Variants in GNAO1 observed in about 807,000 individuals in gnomAD.
GNAO1 encodes the protein guanine nucleotide-binding protein G(o) subunit alpha.
For synonymous variants in GNAO1, 164 were observed against 180.7 expected, an observed-to-expected ratio of 0.91 and a Z score of 0.74; for missense variants, 166 against 478.7, an observed-to-expected ratio of 0.35 and a Z score of 6.10.
rs114003080 is a variant in GNAO1, at chr16:56,263,134, G to T, written c.162-12797G>T. 2.2e-3 allele frequency among the ~76,000 whole-genome samples: 338 copies of T among 152,318 alleles called. 2 individuals are homozygous for T. Among genetic ancestry groups the T allele is most frequent in the African/African-American group, 7.9e-3 (328 of 41,562 alleles). On this transcript the variant is annotated intron_variant, in intron 2 of 8. Transcript: ENST00000262493. ...ACAAGGAAAGGGCCACAGACTCCGG[G>T]CCCAAGGGGGAAGACTATTCAGTCC...
At chr16:56,268,341 A>C (rs1258285474) in intron 2 of GNAO1, among the ~76,000 whole-genome samples, 1 of 152,222 alleles carries the variant, frequency 6.6e-6, no homozygotes, top group Admixed American at 6.5e-5. Flanking sequence ...ATTTCTTGGC[A>C]CTAGCCTTAT....
intron 6 of GNAO1, chr16:56,348,171 AC>A: frequency 2.0e-6 from 2 of 981,870 alleles, no homozygotes; most frequent in Non-Finnish European, 2.4e-6. Context: ...TTAGTCGCCT[AC>A]CGTTAATAAA....
chr16:56,281,646 A>T (rs2037115670), intron 3 of GNAO1, among the ~76,000 whole-genome samples: 1 of 148,962 alleles, frequency 6.7e-6, no homozygotes, highest in Non-Finnish European at 1.5e-5. Flanking sequence ...GCTCATTATT[A>T]TGTAAATTGT....
chr16:56,211,296 T>A (rs1194133304), intron 2 of GNAO1, among the ~76,000 whole-genome samples: 5 of 152,196 alleles, frequency 3.3e-5, no homozygotes, highest in Non-Finnish European at 5.9e-5. Context: ...ATAAACGTGT[T>A]CAGGCACATC....
At chr16:56,338,648 C>T (rs1367148028) in intron 6 of GNAO1, among the ~76,000 whole-genome samples, 1 of 152,266 alleles carries the variant, frequency 6.6e-6, no homozygotes, top group Non-Finnish European at 1.5e-5. Flanking sequence ...CCTGGACCTG[C>T]CCTGCCAGGC....
intron 2 of GNAO1, among the ~76,000 whole-genome samples, chr16:56,226,990 T>C (rs1223166809): frequency 6.6e-6 from 1 of 152,182 alleles, no homozygotes; most frequent in Non-Finnish European, 1.5e-5. Flanking sequence ...GGAGAAGTAA[T>C]CACAGAATGG....
chr16:56,344,064 G>A (rs936729216), intron 6 of GNAO1: 2 of 1,507,856 alleles, frequency 1.3e-6, no homozygotes, highest in Non-Finnish European at 1.8e-6. Context: ...GAAGACCTCA[G>A]AGGCTGGCAC....
At chr16:56,248,317 A>T (rs2143448181) in intron 2 of GNAO1, among the ~76,000 whole-genome samples, 1 of 152,362 alleles carries the variant, frequency 6.6e-6, no homozygotes, top group Middle Eastern at 3.4e-3. Flanking sequence ...AATGAAATCA[A>T]ACTTCTGATG....
chr16:56,210,089 T>C (rs1168486171), intron 2 of GNAO1, among the ~76,000 whole-genome samples: 3 of 152,242 alleles, frequency 2.0e-5, no homozygotes, highest in Admixed American at 2.0e-4. Flanking sequence ...GGAATGTTTT[T>C]ACTGTCGCTA....
intron 3 of GNAO1, chr16:56,276,341 T>C (rs1045159169): frequency 1.4e-4 from 46 of 325,952 alleles, no homozygotes; most frequent in Admixed American, 2.2e-4. Flanking sequence ...CAGTTCTAAA[T>C]TGGAGCTGCC....
At chr16:56,342,806 A>G (rs1363957992) in intron 6 of GNAO1, among the ~76,000 whole-genome samples, 3 of 152,146 alleles carry the variant, frequency 2.0e-5, no homozygotes, top group African/African-American at 7.2e-5. Flanking sequence ...ATAAGATATA[A>G]CATTTGCCTT....
chr16:56,261,231 G>T (rs535525361), intron 2 of GNAO1, among the ~76,000 whole-genome samples: 2 of 152,318 alleles, frequency 1.3e-5, no homozygotes, highest in South Asian at 4.1e-4. Flanking sequence ...CCCCCATTTG[G>T]GGTGATCTGT....
chr16:56,274,013 T>G (rs1002863593), intron 2 of GNAO1, among the ~76,000 whole-genome samples: 28 of 152,216 alleles, frequency 1.8e-4, no homozygotes, highest in Admixed American at 2.0e-4. Context: ...GCATCTGAAG[T>G]GCTCTCTCTT....
rs1360460843 is a variant in GNAO1, at chr16:56,192,161, G to C, written c.-75G>C. Reference sequence around the variant, plus strand: ...CCTTGAGCCCAGGCTCTGCTCTCTGGGGGGGTGGGGGGCGCTCCAAGCCGG... The same window carrying C: ...CCTTGAGCCCAGGCTCTGCTCTCTGCGGGGGTGGGGGGCGCTCCAAGCCGG... On this transcript the variant is annotated 5_prime_UTR_variant, in exon 1 of 9. Coordinates refer to ENST00000262493, the MANE Select transcript of GNAO1 (RefSeq NM_020988.3). 1 of 816,064 alleles carries C rather than the reference G, an allele frequency of 1.2e-6. No homozygotes were observed. The highest frequency in any genetic ancestry group is 2.1e-6 in the Non-Finnish European group (1 of 483,686). The allele number at this position is 816,064 out of a possible 1,614,324, so 50.6% of individuals were successfully genotyped here. A position where few individuals can be genotyped will look rare whatever the true frequency, so the allele number is the denominator to read the frequency against.
intron 2 of GNAO1, among the ~76,000 whole-genome samples, chr16:56,202,866 G>GTTCTGGGTGC (rs1422688611): frequency 6.6e-6 from 1 of 152,214 alleles, no homozygotes; most frequent in African/African-American, 2.4e-5. Context: ...ATTAGGCACT[G>GTTCTGGGTGC]TTCTGGGTGC....
At chr16:56,261,119 G>A (rs2143483154) in intron 2 of GNAO1, among the ~76,000 whole-genome samples, 1 of 152,338 alleles carries the variant, frequency 6.6e-6, no homozygotes. Flanking sequence ...GAGGAGACAT[G>A]AGTTACCCTG....
chr16:56,204,911 G>A (rs1208414699), intron 2 of GNAO1, among the ~76,000 whole-genome samples: 3 of 152,118 alleles, frequency 2.0e-5, no homozygotes, highest in African/African-American at 7.2e-5. Flanking sequence ...TGATCTATAA[G>A]CTTCTACTCA....
chr16:56,329,662 A>G (rs776125960), intron 4 of GNAO1, among the ~76,000 whole-genome samples: 9 of 152,154 alleles, frequency 5.9e-5, no homozygotes, highest in Non-Finnish European at 1.0e-4. Context: ...CACCTTTGCA[A>G]TTGCAATCTG....
intron 3 of GNAO1, among the ~76,000 whole-genome samples, chr16:56,316,108 G>A (rs755448780): frequency 1.3e-5 from 2 of 150,530 alleles, no homozygotes; most frequent in Non-Finnish European, 3.0e-5. Context: ...TCCTCTCCCC[G>A]GCGTGCCCTG....
Sources: allele counts gnomAD v4.1 joint callset (sites outside exome capture counted in the v4.1 genomes callset), GRCh38; gene constraint gnomAD v4.1.1; transcripts MANE v1.5; gene names NCBI Gene and HGNC (gene_info 2026-07-23, HGNC 2026-07-21).